Variants in PXN observed in about 807,000 individuals in gnomAD.
PXN encodes paxillin, also known as testicular tissue protein Li 134.
In PXN, 61 loss-of-function variants were observed where a neutral mutation model predicts 103.6. The ratio of observed to expected loss-of-function variants is 0.59; its 90% CI spans 0.48 to 0.73. The LOEUF (loss-of-function observed/expected upper bound fraction) is 0.73, where lower values mean the gene tolerates loss of function less well. Ranked by LOEUF, PXN falls within the 30% of genes least tolerant of loss-of-function variation. The probability of loss-of-function intolerance (pLI) is 0.00; values close to 1 mark genes in which losing one functional copy is unlikely to be tolerated. For synonymous variants in PXN, 562 were observed against 607.8 expected (o/e 0.92, Z 1.11); for missense variants, 1,274 against 1,460.3 (o/e 0.87, Z 2.08).
At position 120,212,461 on chromosome 12, in the gene PXN, G is replaced by T. The variant is rs25664; in HGVS notation, c.3099C>A (p.Thr1033=). 1.9e-6 allele frequency: 3 copies of T among 1,613,986 alleles called. No homozygotes were observed. The highest frequency in any genetic ancestry group is 2.2e-5 in the South Asian group (2 of 91,090). Residue 1033 remains threonine (T), a synonymous_variant, in exon 15 of 15, where the codon ACC becomes ACA. Coordinates refer to ENST00000637617, the MANE Select transcript of PXN (RefSeq NM_001385981.1). The surrounding 1 kb of genome is among the most constrained non-coding windows in gnomAD (Gnocchi z 7.2). ...TGGCCATGGCGGTGATGCAGCGGCC[G>T]GTGATGGGCTTCTGGCAGCCAGAAC... ...SLCSGCQKPI[T]GRCITAMAKK... is the part of the protein sequence containing the mutation.
At chr12:120,248,475 C>A (rs1291202244) in intron 1 of PXN, among the ~76,000 whole-genome samples, 1 of 147,774 alleles carries the variant, frequency 6.8e-6, no homozygotes, top group Non-Finnish European at 1.5e-5. Flanking sequence ...ACACCATATA[C>A]AATCCACAGA....
In PXN at chr12:120,225,983, T is replaced by G; in HGVS notation, c.14-1606A>C. On this transcript the variant is annotated intron_variant, in intron 1 of 14. Coordinates refer to ENST00000637617, the MANE Select transcript of PXN (RefSeq NM_001385981.1). This position sits in a 1 kb window ranked among gnomAD's most constrained non-coding sequence, Gnocchi z 4.4. ...GGACCCCGGGTCTGGTCGCCTGACC[T>G]CCAAGGAAGTTCAGGTCCTACAGCC... is the stretch of plus-strand genomic sequence containing the variant. 1.0e-6 allele frequency: 1 copy of G among 957,198 alleles called. No individual in the cohort carries two copies. The highest frequency in any genetic ancestry group is 1.3e-6 in the Non-Finnish European group (1 of 771,380). 59.3% of individuals were successfully genotyped at this position (957,198 alleles called of 1,614,324 possible).
In PXN at chr12:120,220,009, G is replaced by A; in HGVS notation, c.914C>T (p.Pro305Leu). The A allele has an allele frequency of 1.3e-6, 2 of 1,565,832 alleles. No individual in the cohort carries two copies. The highest frequency in any genetic ancestry group is 1.1e-5 in the South Asian group (1 of 89,290). Residue 305 changes from proline (P) to leucine (L), a missense_variant, in exon 7 of 15, where the codon CCT becomes CTT. Transcript: ENST00000637617. This position sits in a 1 kb window ranked among gnomAD's most constrained non-coding sequence, Gnocchi z 6.1. The stretch of plus-strand genomic sequence containing the variant: ...CAGAAATACAGATGGCATGGGAGGA[G>A]GAGAAGGAGGAAGGGAGCAGTATGA... Reference protein sequence around the residue: ...PSSYCSLPPSPPPMPSVFLPP... With the variant: ...PSSYCSLPPSLPPMPSVFLPP...
intron 3 of PXN, 79 bp downstream of exon 3, chr12:120,223,639 T>G: frequency 8.6e-7 from 1 of 1,160,170 alleles, no homozygotes; most frequent in Non-Finnish European, 1.2e-6. Context: ...CTCCCGGGCC[T>G]CCGCTGCCTC....
At chr12:120,240,357 G>C (rs1566418658) in intron 1 of PXN, among the ~76,000 whole-genome samples, 1 of 152,142 alleles carries the variant, frequency 6.6e-6, no homozygotes, top group Non-Finnish European at 1.5e-5. Context: ...AGCACTGCAA[G>C]CCATAAGCAA....
rs1887358690 is a variant in PXN at position 120,228,494 on chromosome 12, C to G, written c.14-4117G>C. On this transcript the variant is annotated intron_variant, in intron 1 of 14. Coordinates refer to ENST00000637617, the MANE Select transcript of PXN (RefSeq NM_001385981.1). This position sits in a 1 kb window ranked among gnomAD's most constrained non-coding sequence, Gnocchi z 4.7. ...GCTCCGCCCTGGTGAGGAAGGGGTG[C>G]AGACTGTCTGCTGCTCCCCACCAGA... Among the ~76,000 whole-genome samples, 1 of 152,336 alleles carries G rather than the reference C, an allele frequency of 6.6e-6. No homozygotes were observed. The highest frequency in any genetic ancestry group is 2.1e-4 in the South Asian group (1 of 4,830).
In PXN at chr12:120,215,134, C is replaced by A; in HGVS notation, c.2543G>T (p.Cys848Phe). The A allele has an allele frequency of 1.3e-6, 2 of 1,574,520 alleles. No individual in the cohort carries two copies. Among genetic ancestry groups the A allele is most frequent in the South Asian group, 1.2e-5 (1 of 84,522 alleles). ...LGVATVAKGV[C>F]GACKKPIAGQ... The stretch of plus-strand genomic sequence containing the variant: ...GGCGATGGGCTTCTTGCAGGCCCCG[C>A]AGACTCCTTTGGCGACTGTGGCGAC... The change falls in exon 11 of 15, where the codon TGC becomes TTC. Residue 848 changes from cysteine to phenylalanine, a missense_variant. By Grantham distance (205) the Cys-to-Phe change is radical. Transcript: ENST00000637617. The surrounding 1 kb of genome is among the most constrained non-coding windows in gnomAD (Gnocchi z 4.9).
intron 1 of PXN, among the ~76,000 whole-genome samples, chr12:120,253,139 G>A (rs535125420): frequency 2.2e-4 from 34 of 152,166 alleles, no homozygotes; most frequent in Admixed American, 1.3e-3. Context: ...AATCTGACCC[G>A]TAGATTTCTG....
intron 1 of PXN, among the ~76,000 whole-genome samples, chr12:120,261,713 A>T (rs1893911003): frequency 6.6e-6 from 1 of 152,206 alleles, no homozygotes; most frequent in African/African-American, 2.4e-5. Flanking sequence ...GGGTACACCC[A>T]GTCTCTTCAA....
chr12:120,260,282 G>A (rs1893670670), intron 1 of PXN, among the ~76,000 whole-genome samples: 1 of 152,310 alleles, frequency 6.6e-6, no homozygotes, highest in East Asian at 1.9e-4. Context: ...GGCCGAGGCG[G>A]GTGGATCACC....
Position 120,222,249 on chromosome 12 carries a change from A to G in PXN, c.695+300T>C, listed in dbSNP as rs1161805059. Reference sequence around the variant, plus strand: ...TTACAGATGGGAAAACTAAGGCTTGAGAGCTGACAGTAACTGTCAGAGCCA... The same window carrying G: ...TTACAGATGGGAAAACTAAGGCTTGGGAGCTGACAGTAACTGTCAGAGCCA... On this transcript the variant is annotated intron_variant, in intron 5 of 14. Coordinates refer to ENST00000637617, the MANE Select transcript of PXN (RefSeq NM_001385981.1). The surrounding 1 kb of genome is among the most constrained non-coding windows in gnomAD (Gnocchi z 4.7). Among the ~76,000 whole-genome samples, 3 of 152,224 alleles carry G rather than the reference A, an allele frequency of 2.0e-5. No individual in the cohort carries two copies.
chr12:120,221,672 G>A lies in PXN; in HGVS notation c.782C>T (p.Ser261Phe). The stretch of plus-strand genomic sequence containing the variant: ...CAGCTCGTCCAGCTCCCTGGTGGCA[G>A]AGGAGGCCGAGATGCGTGTCTGCTG... Reference protein sequence around the residue: ...TQQQTRISASSATRELDELMA... With the variant: ...TQQQTRISASFATRELDELMA... Residue 261 changes from serine to phenylalanine, a missense_variant, in exon 6 of 15, where the codon TCT becomes TTT. Transcript: ENST00000637617. The surrounding 1 kb of genome is among the most constrained non-coding windows in gnomAD (Gnocchi z 6.6). 1 of 1,564,058 alleles carries A rather than the reference G, an allele frequency of 6.4e-7. No individual in the cohort carries two copies. The highest frequency in any genetic ancestry group is 8.7e-7 in the Non-Finnish European group (1 of 1,154,428).
chr12:120,226,055 T>C, intron 1 of PXN: 2 of 1,091,832 alleles, frequency 1.8e-6, no homozygotes, highest in Non-Finnish European at 2.3e-6. Flanking sequence ...TTCCTGTCTC[T>C]AGCAAACCGG....
intron 1 of PXN, among the ~76,000 whole-genome samples, chr12:120,251,622 G>GC (rs1892194951): frequency 6.6e-6 from 1 of 152,094 alleles, no homozygotes; most frequent in African/African-American, 2.4e-5. Flanking sequence ...TTCAAGACCA[G>GC]CCTGGCCAAC....
chr12:120,248,684 A>G (rs1056053853), intron 1 of PXN: 6 of 152,186 alleles, frequency 3.9e-5, no homozygotes, highest in Non-Finnish European at 7.3e-5. Flanking sequence ...CTCCACCACT[A>G]ATCAGCAACT....
At chr12:120,226,021 C>T (rs979466458) in intron 1 of PXN, 6 of 1,072,310 alleles carry the variant, frequency 5.6e-6, no homozygotes, top group East Asian at 8.1e-5. Context: ...CCCCGCCCTC[C>T]GGGTCCCATG....
At position 120,253,905 on chromosome 12, in the gene PXN, G is replaced by A. The variant is rs113742354; in HGVS notation, c.13+11712C>T. On this transcript the variant is annotated intron_variant, in intron 1 of 14. Transcript: ENST00000637617. ...TATTATTTTACTTATTTTTGAGATC[G>A]AGTCTTTCTCTGTCACCCAAGCTGG... Among the ~76,000 whole-genome samples, 316 of 152,014 alleles carry A rather than the reference G, an allele frequency of 2.1e-3. 2 individuals are homozygous for A. The highest frequency in any genetic ancestry group is 7.2e-3 in the African/African-American group (299 of 41,452).
intron 3 of PXN, 107 bp from the exon 4 acceptor site, chr12:120,223,106 C>T: frequency 1.3e-6 from 2 of 1,566,084 alleles, no homozygotes; most frequent in South Asian, 2.3e-5. Flanking sequence ...GATGCGAAGT[C>T]TTCCCCCGCA....
Position 120,221,479 on chromosome 12 carries a change from G to A in PXN, c.831+144C>T, listed in dbSNP as rs921720144. 3 of 947,740 alleles carry A rather than the reference G, an allele frequency of 3.2e-6. No homozygotes were observed. The highest frequency in any genetic ancestry group is 4.6e-6 in the Non-Finnish European group (3 of 654,984). The allele number at this position is 947,740 out of a possible 1,614,324, so 58.7% of individuals were successfully genotyped here. On this transcript the variant is annotated intron_variant, in intron 6 of 14. Coordinates refer to ENST00000637617, the MANE Select transcript of PXN (RefSeq NM_001385981.1). The surrounding 1 kb of genome is among the most constrained non-coding windows in gnomAD (Gnocchi z 6.6). The stretch of plus-strand genomic sequence containing the variant: ...CCCCATCTCCTGGCATCACAGCAAG[G>A]CCAGGGCATGACAGTGTCCCTGGCT...
Sources: allele counts gnomAD v4.1 joint callset (sites outside exome capture counted in the v4.1 genomes callset), GRCh38; gene constraint gnomAD v4.1.1; non-coding constraint Gnocchi (gnomAD v3.1); transcripts MANE v1.5; gene names NCBI Gene and HGNC (gene_info 2026-07-23, HGNC 2026-07-21).